Variants in RBFOX1 observed in about 807,000 individuals in gnomAD.
RBFOX1 encodes the protein RNA binding fox-1 homolog 1, also known as RNA binding protein fox-1 homolog 1.
A neutral mutation model predicts 57.7 loss-of-function variants in RBFOX1; 8 were observed. The observed-to-expected ratio is 0.14, with a 90% confidence interval of 0.08 to 0.25. The LOEUF (loss-of-function observed/expected upper bound fraction) is 0.25, where lower values mean the gene tolerates loss of function less well. Among genes scored for constraint, RBFOX1 ranks in the 10% least tolerant of loss-of-function variants. The probability of loss-of-function intolerance (pLI) is 1.00; values close to 1 mark genes in which losing one functional copy is unlikely to be tolerated. For synonymous variants in RBFOX1, 326 were observed against 222.4 expected (o/e 1.47, Z -4.15); for missense variants, 611 against 548.5 (o/e 1.11, Z -1.14).
chr16:7,423,113 G>C (rs1462435689), intron 4 of RBFOX1: 1 of 151,726 alleles, frequency 6.6e-6, no homozygotes, highest in Non-Finnish European at 1.5e-5. Context: ...GAGAGAGAGA[G>C]AGAGAGAGAG....
intron 1 of RBFOX1, among the ~76,000 whole-genome samples, chr16:5,387,593 C>A (rs1229241896): frequency 6.6e-6 from 1 of 152,176 alleles, no homozygotes; most frequent in South Asian, 2.1e-4. Context: ...ATTGCATTGA[C>A]TGAAACATAA....
At chr16:6,358,741 T>C (rs564750614) in intron 2 of RBFOX1, among the ~76,000 whole-genome samples, 25 of 152,282 alleles carry the variant, frequency 1.6e-4, no homozygotes, top group African/African-American at 6.0e-4. Context: ...TGGAACAGGG[T>C]TTACAGAGTC....
chr16:6,394,999 T>C (rs908655189), intron 2 of RBFOX1, among the ~76,000 whole-genome samples: 1 of 152,318 alleles, frequency 6.6e-6, no homozygotes. Flanking sequence ...GATAGGAAAA[T>C]GATAATCAGG....
intron 2 of RBFOX1, among the ~76,000 whole-genome samples, chr16:6,652,326 T>A (rs1313824333): frequency 6.6e-6 from 1 of 152,050 alleles, no homozygotes; most frequent in South Asian, 2.1e-4. Context: ...TGCATGTCGG[T>A]AGTCCCAGCT....
At chr16:6,177,994 G>C (rs2097026941) in intron 1 of RBFOX1, among the ~76,000 whole-genome samples, 2 of 149,826 alleles carry the variant, frequency 1.3e-5, no homozygotes. Context: ...GATACTTTCT[G>C]ATTTTTAAAT....
intron 1 of RBFOX1, among the ~76,000 whole-genome samples, chr16:5,439,436 T>G (rs757331368): frequency 2.6e-5 from 4 of 152,196 alleles, no homozygotes; most frequent in Non-Finnish European, 4.4e-5. Context: ...AAAGTAAAAA[T>G]AGCTCAGCTG....
At chr16:6,242,260 C>G (rs1165810049) in intron 1 of RBFOX1, among the ~76,000 whole-genome samples, 1 of 152,090 alleles carries the variant, frequency 6.6e-6, no homozygotes, top group Non-Finnish European at 1.5e-5. Context: ...TTTATTCAAA[C>G]AGGATCATAT....
chr16:5,683,913 A>C (rs1031325791), intron 3 of RBFOX1, among the ~76,000 whole-genome samples: 1 of 151,906 alleles, frequency 6.6e-6, no homozygotes, highest in African/African-American at 2.4e-5. Flanking sequence ...CCGTCAGCCC[A>C]ATATGAGCTT....
chr16:5,975,318 G>A (rs1036859066), intron 4 of RBFOX1, among the ~76,000 whole-genome samples: 1 of 152,136 alleles, frequency 6.6e-6, no homozygotes, highest in African/African-American at 2.4e-5. Context: ...CATCACCCAA[G>A]CTCTGCAGCC....
At chr16:7,532,757 T>A (rs1452066359) in intron 5 of RBFOX1, among the ~76,000 whole-genome samples, 1 of 152,238 alleles carries the variant, frequency 6.6e-6, no homozygotes, top group African/African-American at 2.4e-5. Context: ...CTGGTTCACA[T>A]ATTGCCTATG....
intron 3 of RBFOX1, among the ~76,000 whole-genome samples, chr16:6,932,653 G>C (rs1195102344): frequency 6.6e-6 from 1 of 152,166 alleles, no homozygotes. Context: ...CTTTCATGGA[G>C]AGTTGCACCA....
At chr16:5,368,505 C>T (rs1257933174) in intron 1 of RBFOX1, among the ~76,000 whole-genome samples, 1 of 152,174 alleles carries the variant, frequency 6.6e-6, no homozygotes, top group East Asian at 1.9e-4. Context: ...TTTAGAGGAA[C>T]TTGAGATGAA....
At chr16:6,720,398 A>C (rs1209030947) in intron 3 of RBFOX1, among the ~76,000 whole-genome samples, 1 of 152,146 alleles carries the variant, frequency 6.6e-6, no homozygotes, top group African/African-American at 2.4e-5. Context: ...AGAACTGTGA[A>C]CCATGTAAAT....
chr16:6,867,113 C>T (rs992745752), intron 3 of RBFOX1, among the ~76,000 whole-genome samples: 1 of 151,608 alleles, frequency 6.6e-6, no homozygotes, highest in South Asian at 2.1e-4. Flanking sequence ...GTGGGAATTT[C>T]TGATAAAGCA....
chr16:5,908,467 C>G (rs890660406), intron 4 of RBFOX1, among the ~76,000 whole-genome samples: 4 of 151,662 alleles, frequency 2.6e-5, no homozygotes, highest in African/African-American at 9.7e-5. Context: ...ATTCTTCTGC[C>G]TCAGCTTCCC....
intron 1 of RBFOX1, among the ~76,000 whole-genome samples, chr16:6,219,188 G>T (rs2097355595): frequency 6.6e-6 from 1 of 152,176 alleles, no homozygotes; most frequent in South Asian, 2.1e-4. Context: ...GAAAATGAGG[G>T]CCGAGTGCAG....
chr16:7,667,968 C>G (rs543655744), intron 13 of RBFOX1, among the ~76,000 whole-genome samples: 52 of 152,302 alleles, frequency 3.4e-4, no homozygotes, highest in African/African-American at 1.2e-3. Flanking sequence ...GCCACTGCAC[C>G]AAGCCATAAA....
intron 12 of RBFOX1, among the ~76,000 whole-genome samples, chr16:7,655,713 T>A (rs1255304028): frequency 1.3e-5 from 2 of 152,218 alleles, no homozygotes. Flanking sequence ...TATACCACAT[T>A]CGTTTGAAAA....
intron 3 of RBFOX1, among the ~76,000 whole-genome samples, chr16:6,880,134 G>A (rs1234787724): frequency 6.6e-6 from 1 of 152,110 alleles, no homozygotes; most frequent in Admixed American, 6.6e-5. Flanking sequence ...GTCAGTGGCT[G>A]GTGTTAGATG....
Sources: allele counts gnomAD v4.1 joint callset (sites outside exome capture counted in the v4.1 genomes callset), GRCh38; gene constraint gnomAD v4.1.1; transcripts MANE v1.5; gene names NCBI Gene and HGNC (gene_info 2026-07-23, HGNC 2026-07-21).